IL12RB2: variants seen among roughly 807,000 people sequenced by gnomAD.
The protein encoded by IL12RB2 is interleukin 12 receptor subunit beta 2.
In IL12RB2, 82 loss-of-function variants were observed where a neutral mutation model predicts 89.4. The ratio of observed to expected loss-of-function variants is 0.92; its 90% confidence interval spans 0.77 to 1.10. The LOEUF (loss-of-function observed/expected upper bound fraction) is 1.10, where lower values mean the gene tolerates loss of function less well. Ranked by LOEUF, IL12RB2 falls within the 50% of genes least tolerant of loss-of-function variation. IL12RB2 has a pLI of 0.00. For synonymous variants in IL12RB2, 368 were observed against 370.1 expected (o/e 0.99, Z 0.07); for missense variants, 963 against 1,031.9 (o/e 0.93, Z 0.92).
intron 13 of IL12RB2, among the ~76,000 whole-genome samples, chr1:67,374,950 T>C (rs1395617022): frequency 6.6e-6 from 1 of 152,062 alleles, no homozygotes; most frequent in Non-Finnish European, 1.5e-5. Flanking sequence ...TATTTAAAAA[T>C]AAGCTAAAAG....
chr1:67,379,292 T>C (rs1054956961), intron 13 of IL12RB2, among the ~76,000 whole-genome samples: 2 of 151,012 alleles, frequency 1.3e-5, no homozygotes, highest in African/African-American at 4.9e-5. Flanking sequence ...GGCAGATTAC[T>C]TGAGGTCAGG....
At chr1:67,324,422 A>G (rs750754628) in intron 4 of IL12RB2, among the ~76,000 whole-genome samples, 13 of 151,972 alleles carry the variant, frequency 8.6e-5, no homozygotes, top group Non-Finnish European at 1.8e-4. Flanking sequence ...GGGTTTCACC[A>G]TATTGGCCAG....
chr1:67,395,442 C>T (rs1666272605), intron 16 of IL12RB2, 105 bp from the exon 17 acceptor site: 1 of 1,605,232 alleles, frequency 6.2e-7, no homozygotes, highest in Non-Finnish European at 8.5e-7. Flanking sequence ...CCAGCCAGGG[C>T]TGAGGAGACA....
chr1:67,389,258 C>T (rs1345835966), intron 15 of IL12RB2, among the ~76,000 whole-genome samples: 1 of 151,676 alleles, frequency 6.6e-6, no homozygotes, highest in Non-Finnish European at 1.5e-5. Context: ...CACTTCTGCT[C>T]ATATTTCTTT....
chr1:67,338,676 T>C lies in IL12RB2; in HGVS notation c.1011T>C (p.Ser337=). ...ACATGAAACGGCACATTGACTACAG[T>C]AGACAACAGATTTCTCTTTTCTGGA... The part of the protein sequence containing the change: ...VWYMKRHIDY[S]RQQISLFWKN... The change falls in exon 9 of 17, where the codon AGT becomes AGC. Residue 337 remains serine, a synonymous_variant. Transcript: ENST00000674203. 1.9e-6 allele frequency: 3 copies of C among 1,543,114 alleles called. No homozygotes were observed. The highest frequency in any genetic ancestry group is 2.7e-6 in the Non-Finnish European group (3 of 1,115,290).
chr1:67,396,037 A>G lies in IL12RB2; in HGVS notation c.2537A>G (p.Asp846Gly). The G allele has an allele frequency of 6.2e-7, 1 of 1,608,592 alleles. No homozygotes were observed. Among genetic ancestry groups the G allele is most frequent in the Non-Finnish European group, 8.5e-7 (1 of 1,174,902 alleles). ...SLHPLTFSCG[D>G]KLTLDQLKMR... is the part of the protein sequence containing the mutation. ...CACCCACTCACCTTCTCCTGTGGTG[A>G]TAAGCTGACTCTGGATCAGTTAAAG... The change falls in exon 17 of 17, where the codon GAT (aspartate) becomes GGT (glycine). Residue 846 changes from aspartate to glycine, a missense_variant. Transcript: ENST00000674203.
intron 9 of IL12RB2, among the ~76,000 whole-genome samples, chr1:67,345,524 T>C (rs946477880): frequency 6.6e-6 from 1 of 152,240 alleles, no homozygotes; most frequent in Admixed American, 6.5e-5. Flanking sequence ...GGACCTGATT[T>C]ATATTGATGT....
chr1:67,314,025 G>A (rs1245671517), intron 2 of IL12RB2, 25 bp downstream of exon 2: 2 of 152,168 alleles, frequency 1.3e-5, no homozygotes, highest in African/African-American at 4.8e-5. Context: ...AGGCAGAAGG[G>A]AAGAATTTTG....
intron 2 of IL12RB2, among the ~76,000 whole-genome samples, chr1:67,316,586 A>G (rs1655803447): frequency 1.3e-5 from 2 of 152,156 alleles, no homozygotes; most frequent in African/African-American, 4.8e-5. Flanking sequence ...AAACAAGTCC[A>G]TAGTAAATCT....
At chr1:67,389,986 G>A (rs1234702997) in intron 15 of IL12RB2, 43 bp from the exon 16 acceptor site, 1 of 883,400 alleles carries the variant, frequency 1.1e-6, no homozygotes, top group East Asian at 2.4e-5. Context: ...CCATGCCACT[G>A]TGTGCACACC....
At chr1:67,324,401 T>C (rs1252220448) in intron 4 of IL12RB2, among the ~76,000 whole-genome samples, 3 of 152,160 alleles carry the variant, frequency 2.0e-5, no homozygotes, top group Non-Finnish European at 4.4e-5. Flanking sequence ...TTTTGTATTT[T>C]ATTAGAGAGG....
Position 67,329,591 on chromosome 1 carries a change from G to T in IL12RB2, c.669G>T (p.Arg223Ser). Residue 223 changes from arginine to serine, a missense_variant, in exon 7 of 17, where the codon AGG (arginine) becomes AGT (serine). Physicochemically the swap from Arg to Ser is moderately radical, Grantham distance 110. Transcript: ENST00000674203. Reference protein sequence around the residue: ...PSTFTFLDIVRPLPPWDIRIK... With the variant: ...PSTFTFLDIVSPLPPWDIRIK... ...TTTGTTTGTCCTGGTTACTAGTGAG[G>T]CCTCTTCCTCCGTGGGACATTAGAA... is the stretch of plus-strand genomic sequence containing the variant. 1 of 1,579,212 alleles carries T rather than the reference G, an allele frequency of 6.3e-7. No homozygotes were observed. The highest frequency in any genetic ancestry group is 1.3e-5 in the African/African-American group (1 of 74,404).
rs371557250 is a variant in IL12RB2, at chr1:67,395,961, G to A, written c.2461G>A (p.Glu821Lys). 9 of 1,609,424 alleles carry A rather than the reference G, an allele frequency of 5.6e-6. No homozygotes were observed. Among genetic ancestry groups the A allele is most frequent in the Non-Finnish European group, 6.0e-6 (7 of 1,175,796 alleles). The part of the protein sequence containing the change: ...HEAPLADSLE[E>K]LEPQHISLSV... ...GGCACCTCTCGCTGACTCTCTGGAA[G>A]AACTGGAGCCTCAGCACATCTCCCT... Residue 821 changes from glutamate (E) to lysine (K), a missense_variant, in exon 17 of 17, where the codon GAA becomes AAA. Glu to Lys is a moderately conservative substitution (Grantham distance 56, BLOSUM62 1). Transcript: ENST00000674203.
intron 16 of IL12RB2, among the ~76,000 whole-genome samples, chr1:67,392,777 C>T (rs1426205766): frequency 3.3e-5 from 5 of 151,956 alleles, no homozygotes; most frequent in African/African-American, 1.2e-4. Flanking sequence ...ACTGCAGGGG[C>T]ACGCTGCCAC....
Position 67,329,718 on chromosome 1 carries a change from C to T in IL12RB2, c.796C>T (p.Leu266Phe). Residue 266 changes from leucine (L) to phenylalanine (F), a missense_variant, in exon 7 of 17, where the codon CTC becomes TTC. Leu to Phe is a conservative substitution (Grantham distance 22, BLOSUM62 0). Coordinates refer to ENST00000674203, the MANE Select transcript of IL12RB2 (RefSeq NM_001374259.2). ...RLRYRPSNSR[L>F]WNMVNVTKAK... ...CAGATATCGGCCCAGTAACAGCAGG[C>T]TCTGGAATATGGTAATTATCTTTAG... 1.2e-6 allele frequency: 2 copies of T among 1,605,994 alleles called. No individual in the cohort carries two copies. The highest frequency in any genetic ancestry group is 1.1e-5 in the South Asian group (1 of 90,904).
Position 67,367,800 on chromosome 1 carries a change from T to C in IL12RB2, c.1259-25T>C, listed in dbSNP as rs576689836. The C allele has an allele frequency of 5.3e-6, 7 of 1,311,190 alleles. No homozygotes were observed. In the South Asian group the frequency reaches 8.3e-5, roughly 15 times the overall value. 81.2% of individuals were successfully genotyped at this position (1,311,190 alleles called of 1,614,324 possible). ...TTATCCCTCCTCTTTTTTTATTTTG[T>C]TTCTCCTCTTTCTGTCCGATAAAGG... On this transcript the variant is annotated intron_variant, in intron 10 of 16. Transcript: ENST00000674203.
At chr1:67,341,571 G>GA (rs755414280) in intron 9 of IL12RB2, among the ~76,000 whole-genome samples, 1 of 134,216 alleles carries the variant, frequency 7.5e-6, no homozygotes, top group East Asian at 2.3e-4. Context: ...AAGAAAGAAA[G>GA]AAAGAAAGAA....
chr1:67,342,292 A>G (rs1186111247), intron 9 of IL12RB2, among the ~76,000 whole-genome samples: 1 of 152,152 alleles, frequency 6.6e-6, no homozygotes, highest in Admixed American at 6.5e-5. Context: ...ACCACTGCAA[A>G]GAAGGAAATC....
intron 10 of IL12RB2, among the ~76,000 whole-genome samples, chr1:67,362,613 C>T (rs926520528): frequency 6.9e-6 from 1 of 145,062 alleles, no homozygotes; most frequent in African/African-American, 2.5e-5. Context: ...AAAAAAGAAA[C>T]CATGCAAGCA....
Sources: gnomAD v4.1 joint callset for allele counts (sites outside exome capture counted in the v4.1 genomes callset) on GRCh38, gnomAD v4.1.1 for gene constraint, MANE v1.5 for transcripts, NCBI Gene and HGNC (gene_info 2026-07-23, HGNC 2026-07-21) for gene names.